The following GCLM variants were observed in gnomAD, a reference collection of about 807,000 sequenced individuals.
GCLM encodes glutamate-cysteine ligase modifier subunit, also known as glutamate--cysteine ligase regulatory subunit.
GCLM carries 15 observed loss-of-function variants against 36.0 expected under a neutral mutation model. The observed-to-expected ratio is 0.42, with a 90% confidence interval of 0.28 to 0.64. The LOEUF (loss-of-function observed/expected upper bound fraction) is 0.64, where lower values mean the gene tolerates loss of function less well. Among genes scored for constraint, GCLM ranks in the 30% least tolerant of loss-of-function variants. GCLM has a pLI of 0.25. For missense variants in GCLM, 242 were observed against 325.5 expected (o/e 0.74, Z 1.97); for synonymous variants, 129 against 122.8 (o/e 1.05, Z -0.34).
intron 1 of GCLM, 146 bp downstream of exon 1, chr1:93,908,892 C>A: frequency 1.7e-6 from 1 of 595,880 alleles, no homozygotes. Flanking sequence ...CGACACTGGC[C>A]TCAGCATCTG....
chr1:93,900,355 C>T (rs1255483953), intron 3 of GCLM, among the ~76,000 whole-genome samples: 1 of 120,254 alleles, frequency 8.3e-6, no homozygotes, highest in African/African-American at 4.3e-5. Context: ...ATCTCAAGCC[C>T]TCTAGGAACT....
At chr1:93,889,367 C>A (rs886625056) in intron 6 of GCLM, among the ~76,000 whole-genome samples, 4 of 152,086 alleles carry the variant, frequency 2.6e-5, no homozygotes, top group Admixed American at 2.0e-4. Context: ...TACACCTGTA[C>A]CCCAGCCTAT....
chr1:93,904,155 A>C, intron 2 of GCLM: 1 of 249,774 alleles, frequency 4.0e-6, no homozygotes, highest in Non-Finnish European at 7.9e-6. Context: ...TTTCATCAGA[A>C]ACTGACATTT....
chr1:93,894,809 A>G lies in GCLM; in HGVS notation c.541-81T>C, dbSNP rs1250041274. On this transcript the variant is annotated intron_variant, in intron 5 of 6. Coordinates refer to ENST00000370238, the MANE Select transcript of GCLM (RefSeq NM_002061.4). The stretch of plus-strand genomic sequence containing the variant: ...GTAGAAAGCAATAAGCAATAAAATA[A>G]CTTAATTTTAGAACATATGAAAAAT... 4.3e-6 allele frequency: 3 copies of G among 696,742 alleles called. No individual in the cohort carries two copies. The Admixed American group carries it at 6.8e-5, about 16-fold the overall frequency. 43.2% of individuals were successfully genotyped at this position (696,742 alleles called of 1,614,324 possible). A position where few individuals can be genotyped will look rare whatever the true frequency, so the allele number is the denominator to read the frequency against.
intron 6 of GCLM, among the ~76,000 whole-genome samples, chr1:93,893,088 A>T (rs1656594089): frequency 6.6e-6 from 1 of 152,214 alleles, no homozygotes; most frequent in African/African-American, 2.4e-5. Context: ...GATTTAAATG[A>T]AAATGGATGA....
intron 2 of GCLM, among the ~76,000 whole-genome samples, chr1:93,902,400 G>A (rs964694708): frequency 6.6e-6 from 1 of 151,266 alleles, no homozygotes; most frequent in African/African-American, 2.4e-5. Context: ...GGATGGTCTC[G>A]ATCTCCTGAC....
chr1:93,905,051 G>A (rs560891358), intron 1 of GCLM, among the ~76,000 whole-genome samples: 8 of 151,860 alleles, frequency 5.3e-5, no homozygotes, highest in African/African-American at 1.9e-4. Flanking sequence ...GTGCAAGCCT[G>A]TAGTAGCTAC....
At chr1:93,895,918 G>C (rs1300123606) in intron 5 of GCLM, among the ~76,000 whole-genome samples, 2 of 151,236 alleles carry the variant, frequency 1.3e-5, no homozygotes, top group Non-Finnish European at 2.9e-5. Flanking sequence ...TAGGAAATTA[G>C]AGCCATGGTC....
chr1:93,896,554 T>C (rs1210317141), intron 5 of GCLM, 64 bp downstream of exon 5: 2 of 1,273,272 alleles, frequency 1.6e-6, no homozygotes, highest in Non-Finnish European at 2.3e-6. Context: ...TGCTCAACAG[T>C]GTGCAGCAAA....
At chr1:93,889,384 C>T (rs1656445055) in intron 6 of GCLM, among the ~76,000 whole-genome samples, 1 of 151,998 alleles carries the variant, frequency 6.6e-6, no homozygotes, top group Admixed American at 6.6e-5. Flanking sequence ...CTATTTAATT[C>T]TTAACTTTTG....
In GCLM at chr1:93,892,785, T is replaced by G. The variant is rs548636249; in HGVS notation, c.655+1829A>C. ...AACACTAGGAACCTTAATCTTTTCC[T>G]ACTTCCTTTCCTACTAGTAAAAGGA... On this transcript the variant is annotated intron_variant, in intron 6 of 6. Coordinates refer to ENST00000370238, the MANE Select transcript of GCLM (RefSeq NM_002061.4). Among the ~76,000 whole-genome samples, 12 of 152,308 alleles carry G rather than the reference T, an allele frequency of 7.9e-5. No homozygotes were observed. In the South Asian group the frequency reaches 2.5e-3, roughly 32 times the overall value.
At position 93,889,051 on chromosome 1, in the gene GCLM, T is replaced by C. The variant is rs138819930; in HGVS notation, c.764A>G (p.Lys255Arg). The change falls in exon 7 of 7, where the codon AAA becomes AGA. Residue 255 changes from lysine to arginine, a missense_variant. Transcript: ENST00000370238. ...TTTTGATTTGATAATTCCTCTACTT[T>C]TCACAATGACCGAATACCGCAGTAG... ...LWLLRYSVIV[K>R]SRGIIKSKGY... The C allele has an allele frequency of 3.1e-6, 5 of 1,603,866 alleles. No homozygotes were observed. In the African/African-American group the frequency reaches 6.7e-5, roughly 22 times the overall value.
rs1803635 is a variant in GCLM, at chr1:93,901,646, G to A, written c.216C>T (p.Cys72=). Residue 72 remains cysteine (C), a synonymous_variant, in exon 3 of 7, where the codon TGC becomes TGT. Transcript: ENST00000370238. ...LVREFPDVLE[C]TVSHAVEKIN... Reference sequence around the variant, plus strand: ...TCTTTTCTACTGCATGAGATACAGTGCATTCCAAGACATCTGGAAACTCCT... The same window carrying A: ...TCTTTTCTACTGCATGAGATACAGTACATTCCAAGACATCTGGAAACTCCT... The A allele has an allele frequency of 1.9e-6, 3 of 1,561,808 alleles. No individual in the cohort carries two copies. The highest frequency in any genetic ancestry group is 1.8e-6 in the Non-Finnish European group (2 of 1,135,240).
Position 93,888,920 on chromosome 1 carries a change from T to C in GCLM, c.*70A>G. On this transcript the variant is annotated 3_prime_UTR_variant, in exon 7 of 7. Transcript: ENST00000370238. The stretch of plus-strand genomic sequence containing the variant: ...AATGACACCATTTACAGGCAGTAAC[T>C]AGATTTTTACACATCTCAATTTTCT... 9.6e-7 allele frequency: 1 copy of C among 1,045,614 alleles called. No individual in the cohort carries two copies. Among genetic ancestry groups the C allele is most frequent in the East Asian group, 2.7e-5 (1 of 37,708 alleles). The allele number at this position is 1,045,614 out of a possible 1,614,324, so 64.8% of individuals were successfully genotyped here.
intron 2 of GCLM, among the ~76,000 whole-genome samples, chr1:93,902,290 T>C (rs922410808): frequency 2.0e-5 from 3 of 151,718 alleles, no homozygotes; most frequent in Admixed American, 2.0e-4. Flanking sequence ...CCATTCCTCC[T>C]GCCTCAGTGT....
rs774509357 is a variant in GCLM, at chr1:93,889,207, AC to A, written c.656-49del. ...AAACTCCAGCGTGTTAAATTGGAAAACAAAAAAGCACTTTAGTATGTAGGTA... is the reference window on the plus strand; with the variant it reads ...AAACTCCAGCGTGTTAAATTGGAAAAAAAAAAGCACTTTAGTATGTAGGTA... On this transcript the variant is annotated intron_variant, in intron 6 of 6. Transcript: ENST00000370238. 2.2e-6 allele frequency: 3 copies of A among 1,347,736 alleles called. No individual in the cohort carries two copies. In the African/African-American group the frequency reaches 4.5e-5, roughly 20 times the overall value. 83.5% of individuals were successfully genotyped at this position (1,347,736 alleles called of 1,614,324 possible).
chr1:93,895,081 C>T (rs965367225), intron 5 of GCLM, among the ~76,000 whole-genome samples: 6 of 143,400 alleles, frequency 4.2e-5, no homozygotes, highest in Non-Finnish European at 9.0e-5. Flanking sequence ...GTGGCGTGAT[C>T]TTGGCTCACT....
chr1:93,898,154 T>C (rs1656800715), intron 3 of GCLM, among the ~76,000 whole-genome samples: 1 of 151,936 alleles, frequency 6.6e-6, no homozygotes, highest in Non-Finnish European at 1.5e-5. Context: ...TCCCATTTAT[T>C]AGAAGGCAGG....
intron 6 of GCLM, among the ~76,000 whole-genome samples, chr1:93,892,121 A>G (rs1311931497): frequency 6.6e-6 from 1 of 151,968 alleles, no homozygotes; most frequent in Non-Finnish European, 1.5e-5. Context: ...TTTAATCGAA[A>G]TGGGGGGCGG....
Sources: allele counts gnomAD v4.1 joint callset (sites outside exome capture counted in the v4.1 genomes callset), GRCh38; gene constraint gnomAD v4.1.1; transcripts MANE v1.5; gene names NCBI Gene and HGNC (gene_info 2026-07-23, HGNC 2026-07-21).